Variants in PSMG2 observed in about 807,000 individuals in gnomAD.
PSMG2 encodes proteasome assembly chaperone 2, also known as CD40 ligand-activated specific transcript 3.
A neutral mutation model predicts 31.5 loss-of-function variants in PSMG2; 21 were observed. That is an observed-to-expected ratio of 0.67 (90% CI 0.47 to 0.96). The LOEUF is 0.96. Ranked by LOEUF, PSMG2 falls within the 40% of genes least tolerant of loss-of-function variation. The pLI, the probability that PSMG2 is intolerant of heterozygous loss-of-function variation, is 0.00. For missense variants in PSMG2, 318 were observed against 321.2 expected (o/e 0.99, Z 0.08); for synonymous variants, 120 against 110.4 (o/e 1.09, Z -0.54).
At chr18:12,695,046 T>A (rs942823201) in intron 1 of PSMG2, among the ~76,000 whole-genome samples, 3 of 152,178 alleles carry the variant, frequency 2.0e-5, no homozygotes, top group Admixed American at 6.6e-5. Flanking sequence ...TAAATGTTCA[T>A]CGTATTTCCT....
intron 3 of PSMG2, among the ~76,000 whole-genome samples, chr18:12,715,275 G>C (rs2040366431): frequency 6.6e-6 from 1 of 152,024 alleles, no homozygotes. Context: ...TCCCAAAGTA[G>C]TGGGATTACA....
intron 4 of PSMG2, among the ~76,000 whole-genome samples, chr18:12,719,202 G>A (rs554152232): frequency 1.3e-5 from 2 of 151,614 alleles, no homozygotes; most frequent in Non-Finnish European, 2.9e-5. Flanking sequence ...TGAGCCCCCC[G>A]CACCTGGCCA....
chr18:12,689,554 G>A (rs958470772), intron 1 of PSMG2, among the ~76,000 whole-genome samples: 1 of 151,896 alleles, frequency 6.6e-6, no homozygotes, highest in Admixed American at 6.6e-5. Flanking sequence ...ATCTTAAAAT[G>A]AATTCTGAGA....
intron 1 of PSMG2, chr18:12,691,439 C>G (rs1166948073): frequency 1.2e-6 from 2 of 1,609,012 alleles, no homozygotes; most frequent in East Asian, 2.2e-5. Context: ...TTAGCATATA[C>G]AAGAAATAAT....
Position 12,725,611 on chromosome 18 carries a change from A to G in PSMG2, c.*80A>G, listed in dbSNP as rs76346542. 6 of 1,006,380 alleles carry G rather than the reference A, an allele frequency of 6.0e-6. No individual in the cohort carries two copies. In the East Asian group the frequency reaches 1.1e-4, roughly 18 times the overall value. The allele number at this position is 1,006,380 out of a possible 1,614,324, so 62.3% of individuals were successfully genotyped here. A position where few individuals can be genotyped will look rare whatever the true frequency, so the allele number is the denominator to read the frequency against. On this transcript the variant is annotated 3_prime_UTR_variant, in exon 7 of 7. Coordinates refer to ENST00000317615, the MANE Select transcript of PSMG2 (RefSeq NM_020232.5). ...TAAACATTCTATACAAAAAAATTGT[A>G]TGATCTGGTATTAGGAAATTACTTT... is the stretch of plus-strand genomic sequence containing the variant.
At chr18:12,679,322 AG>A (rs2145008149) in intron 1 of PSMG2, 1 of 152,286 alleles carries the variant, frequency 6.6e-6, no homozygotes, top group South Asian at 2.1e-4. Flanking sequence ...CAGAAGTTCG[AG>A]CAATTTGCAG....
chr18:12,725,653 G>T lies in PSMG2; in HGVS notation c.*122G>T. On this transcript the variant is annotated 3_prime_UTR_variant, in exon 7 of 7. Transcript: ENST00000317615. Reference sequence around the variant, plus strand: ...AATTACTTTCACAGTAAATATCAAAGAAAAAAGATTAAGGGTCTCTTTGCC... The same window carrying T: ...AATTACTTTCACAGTAAATATCAAATAAAAAAGATTAAGGGTCTCTTTGCC... The T allele has an allele frequency of 1.7e-6, 1 of 595,190 alleles. No homozygotes were observed. Among genetic ancestry groups the T allele is most frequent in the East Asian group, 3.3e-5 (1 of 30,742 alleles). The allele number at this position is 595,190 out of a possible 1,614,324, so 36.9% of individuals were successfully genotyped here.
At chr18:12,724,171 C>T in intron 5 of PSMG2, 1 of 223,698 alleles carries the variant, frequency 4.5e-6, no homozygotes, top group African/African-American at 2.3e-5. Flanking sequence ...TGCTGTGGTG[C>T]TTCTGAAAAT....
chr18:12,710,330 T>G (rs2040316801), intron 2 of PSMG2, among the ~76,000 whole-genome samples: 1 of 152,212 alleles, frequency 6.6e-6, no homozygotes, highest in Admixed American at 6.5e-5. Context: ...AGAATTCATG[T>G]TGCTGTGATA....
At chr18:12,702,072 G>T (rs529990667), upstream of PSMG2, among the ~76,000 whole-genome samples, 27 of 152,206 alleles carry the variant, frequency 1.8e-4, no homozygotes, top group Non-Finnish European at 2.8e-4. Flanking sequence ...GTTGCAGTGA[G>T]CCGAGATCGT....
chr18:12,672,069 C>A (rs1358623628), intron 1 of PSMG2, among the ~76,000 whole-genome samples: 1 of 151,488 alleles, frequency 6.6e-6, no homozygotes, highest in East Asian at 1.9e-4. Flanking sequence ...CCACCCACAT[C>A]AGCCTCCCAA....
chr18:12,710,544 T>C (rs1025062890), intron 2 of PSMG2, among the ~76,000 whole-genome samples: 4 of 152,166 alleles, frequency 2.6e-5, no homozygotes, highest in East Asian at 1.9e-4. Context: ...CCCTTTTTTT[T>C]CATCACAAAC....
chr18:12,702,496 T>A, upstream of PSMG2: 1 of 1,609,648 alleles, frequency 6.2e-7, no homozygotes, highest in Non-Finnish European at 8.5e-7. Flanking sequence ...CTTGCTCAGC[T>A]GCTGGTGGAT....
Position 12,712,761 on chromosome 18 carries a change from G to C in PSMG2, c.288+1G>C, listed in dbSNP as rs780003951. ...ACAGTTAAGATCCATTTTTATTAAG[G>C]TTAGTATGTTGTAGTTTGCCTTTTT... is the stretch of plus-strand genomic sequence containing the variant. On this transcript the variant is annotated splice_donor_variant, in intron 3 of 6. Transcript: ENST00000317615. LOFTEE classifies it high-confidence loss of function. 5.3e-5 allele frequency: 85 copies of C among 1,601,216 alleles called. No homozygotes were observed. The highest frequency in any genetic ancestry group is 7.3e-5 in the Non-Finnish European group (85 of 1,170,256).
chr18:12,667,773 AAAAAG>A (rs1308845197), intron 1 of PSMG2, among the ~76,000 whole-genome samples: 18 of 149,528 alleles, frequency 1.2e-4, no homozygotes, highest in East Asian at 3.9e-4. Context: ...AAAAAAAAAA[AAAAAG>A]AAAAGAAAAG....
At chr18:12,675,400 A>T (rs565985017) in intron 1 of PSMG2, among the ~76,000 whole-genome samples, 73 of 152,218 alleles carry the variant, frequency 4.8e-4, no homozygotes, top group African/African-American at 1.6e-3. Flanking sequence ...TGTCTCAAAA[A>T]AAATAAATAA....
chr18:12,673,283 A>G, intron 1 of PSMG2: 1 of 1,493,946 alleles, frequency 6.7e-7, no homozygotes, highest in Non-Finnish European at 8.9e-7. Flanking sequence ...TTTTAAAATA[A>G]CAAACCTCTA....
intron 4 of PSMG2, among the ~76,000 whole-genome samples, chr18:12,719,698 CT>C (rs34788263): frequency 1.7e-3 from 226 of 134,548 alleles, no homozygotes; most frequent in Admixed American, 4.6e-3. Context: ...CAGGATGTAG[CT>C]TTTTTTTTTT....
In PSMG2 at chr18:12,719,216, G is replaced by T. The variant is rs2040406461; in HGVS notation, c.407+581G>T. ...GTGAGCCCCCCGCACCTGGCCACAT[G>T]CAACCATTCGTATTTGCAGAAATCC... is the stretch of plus-strand genomic sequence containing the variant. On this transcript the variant is annotated intron_variant, in intron 4 of 6. Coordinates refer to ENST00000317615, the MANE Select transcript of PSMG2 (RefSeq NM_020232.5). Among the ~76,000 whole-genome samples, 3 of 151,822 alleles carry T rather than the reference G, an allele frequency of 2.0e-5. No individual in the cohort carries two copies. In the South Asian group the frequency reaches 6.2e-4, roughly 32 times the overall value.
Sources: gnomAD v4.1 joint callset for allele counts (sites outside exome capture counted in the v4.1 genomes callset) on GRCh38, gnomAD v4.1.1 for gene constraint, MANE v1.5 for transcripts, NCBI Gene and HGNC (gene_info 2026-07-23, HGNC 2026-07-21) for gene names.